The following LDB2 variants were observed in gnomAD, a reference collection of about 807,000 sequenced individuals.
LDB2 encodes LIM domain-binding protein 2.
A neutral mutation model predicts 44.3 loss-of-function variants in LDB2; 12 were observed. The ratio of observed to expected loss-of-function variants is 0.27; its 90% CI spans 0.17 to 0.44. The LOEUF (loss-of-function observed/expected upper bound fraction) is 0.44. LDB2 is among the 20% of genes least tolerant of loss of function. LDB2 has a pLI of 1.00. For missense variants in LDB2, 344 were observed against 473.5 expected, an observed-to-expected ratio of 0.73 and a Z score of 2.54; for synonymous variants, 164 against 174.8, an observed-to-expected ratio of 0.94 and a Z score of 0.49.
chr4:16,632,926 C>T (rs1280371936), intron 2 of LDB2, among the ~76,000 whole-genome samples: 3 of 152,192 alleles, frequency 2.0e-5, no homozygotes, highest in Admixed American at 1.3e-4. Flanking sequence ...ACCCAGCCAT[C>T]CCATTACTGG....
chr4:16,836,543 C>G (rs2110081156), intron 1 of LDB2, among the ~76,000 whole-genome samples: 1 of 152,340 alleles, frequency 6.6e-6, no homozygotes, highest in South Asian at 2.1e-4. Context: ...TTGATCTCTG[C>G]TGCAAACTGG....
intron 2 of LDB2, among the ~76,000 whole-genome samples, chr4:16,735,421 G>GA (rs1287145149): frequency 6.6e-6 from 1 of 151,962 alleles, no homozygotes; most frequent in Non-Finnish European, 1.5e-5. Context: ...CTTTCTTAAA[G>GA]AAAAAAATCC....
At position 16,502,825 on chromosome 4, in the gene LDB2, C is replaced by T; in HGVS notation, c.940G>A (p.Asp314Asn). ...CTAGTGATTAGCCTTTCGTCCTCGT[C>T]CCCAAACTCACCTCCCATCAGAGTT... is the stretch of plus-strand genomic sequence containing the variant. The part of the protein sequence containing the change: ...EPTLMGGEFG[D>N]EDERLITRLE... The change falls in exon 8 of 8, where the codon GAC becomes AAC. Residue 314 changes from aspartate (D) to asparagine (N), a missense_variant. Physicochemically the swap from Asp to Asn is conservative, Grantham distance 23. Transcript: ENST00000304523. 1 of 1,614,092 alleles carries T rather than the reference C, an allele frequency of 6.2e-7. No homozygotes were observed.
rs183639739 is a variant in LDB2, at chr4:16,870,080, C to T, written c.132+28274G>A. On this transcript the variant is annotated intron_variant, in intron 1 of 7. Coordinates refer to ENST00000304523, the MANE Select transcript of LDB2 (RefSeq NM_001290.5). ...CAAATGCTTTATTGGAAGAAGCAGC[C>T]ATTGTGTTTTGTACAAGGCAGCTGC... Among the ~76,000 whole-genome samples, 21 of 152,258 alleles carry T rather than the reference C, an allele frequency of 1.4e-4. 1 individual carries two copies. Among genetic ancestry groups the T allele is most frequent in the Admixed American group, 7.2e-4 (11 of 15,290 alleles).
At chr4:16,823,182 G>A (rs1782431762) in intron 1 of LDB2, among the ~76,000 whole-genome samples, 1 of 152,160 alleles carries the variant, frequency 6.6e-6, no homozygotes, top group African/African-American at 2.4e-5. Flanking sequence ...TTCACAACAG[G>A]CAGTCAATAC....
chr4:16,655,223 A>G (rs1279632039), intron 2 of LDB2, among the ~76,000 whole-genome samples: 1 of 152,170 alleles, frequency 6.6e-6, no homozygotes, highest in Non-Finnish European at 1.5e-5. Flanking sequence ...GGGGACAGAG[A>G]GGCCAAGAGG....
chr4:16,636,671 C>A (rs1733688109), intron 2 of LDB2, among the ~76,000 whole-genome samples: 1 of 151,920 alleles, frequency 6.6e-6, no homozygotes, highest in African/African-American at 2.4e-5. Context: ...TACATTTGGA[C>A]TAAGGGAATG....
chr4:16,766,468 ATGTGTGTGTGTGTGTG>A (rs1218763626), intron 1 of LDB2, among the ~76,000 whole-genome samples: 3 of 41,336 alleles, frequency 7.3e-5, no homozygotes, highest in African/African-American at 1.3e-4. Context: ...ACACACATAT[ATGTGTGTGTGTGTGTG>A]TGTGTGTGTG....
chr4:16,756,259 G>A (rs1387658703), intron 2 of LDB2, among the ~76,000 whole-genome samples: 1 of 152,124 alleles, frequency 6.6e-6, no homozygotes, highest in East Asian at 1.9e-4. Context: ...AGACCAGCCT[G>A]GCCAACATGG....
chr4:16,872,271 C>G (rs1055857051), intron 1 of LDB2, among the ~76,000 whole-genome samples: 1 of 151,852 alleles, frequency 6.6e-6, no homozygotes, highest in South Asian at 2.1e-4. Context: ...ATGTCTCTAT[C>G]CTGTGACTGT....
intron 2 of LDB2, among the ~76,000 whole-genome samples, chr4:16,681,618 C>CTTTTTTTTT (rs536589787): frequency 8.1e-5 from 5 of 61,700 alleles, no homozygotes; most frequent in South Asian, 7.5e-4. Context: ...GTATTCTATT[C>CTTTTTTTTT]TTTTTTTTTT....
At chr4:16,758,626 G>A (rs1309123356) in intron 2 of LDB2, among the ~76,000 whole-genome samples, 3 of 152,088 alleles carry the variant, frequency 2.0e-5, no homozygotes, top group Non-Finnish European at 4.4e-5. Flanking sequence ...GAAAGACAAG[G>A]AACTATAATT....
At chr4:16,699,915 T>C (rs1446038038) in intron 2 of LDB2, among the ~76,000 whole-genome samples, 1 of 152,084 alleles carries the variant, frequency 6.6e-6, no homozygotes, top group African/African-American at 2.4e-5. Context: ...ATTTAGCAAA[T>C]AAAAATCCAG....
At chr4:16,698,587 T>C (rs765950560) in intron 2 of LDB2, among the ~76,000 whole-genome samples, 1 of 152,184 alleles carries the variant, frequency 6.6e-6, no homozygotes, top group Non-Finnish European at 1.5e-5. Context: ...CCTTTGCCCT[T>C]TATTCTACTG....
At chr4:16,735,225 C>T (rs545452090) in intron 2 of LDB2, among the ~76,000 whole-genome samples, 1 of 152,160 alleles carries the variant, frequency 6.6e-6, no homozygotes, top group East Asian at 1.9e-4. Context: ...GCCCGCAGTC[C>T]CCTGATATGG....
At chr4:16,774,535 G>T (rs1258025416) in intron 1 of LDB2, among the ~76,000 whole-genome samples, 2 of 152,270 alleles carry the variant, frequency 1.3e-5, no homozygotes, top group African/African-American at 4.8e-5. Flanking sequence ...CTTACTGATT[G>T]TGTAATTATG....
rs189334543 is a variant in LDB2 at position 16,723,332 on chromosome 4, G to A, written c.235+35826C>T. 2.3e-3 allele frequency among the ~76,000 whole-genome samples: 345 copies of A among 152,268 alleles called. 1 individual carries two copies. Among genetic ancestry groups the A allele is most frequent in the Non-Finnish European group, 3.1e-3 (210 of 68,018 alleles). ...CACCTGGTGAGAGTCATCCCATGGC[G>A]GAAGATGGAAGGGCAAGAGGGACAG... On this transcript the variant is annotated intron_variant, in intron 2 of 7. Coordinates refer to ENST00000304523, the MANE Select transcript of LDB2 (RefSeq NM_001290.5).
intron 1 of LDB2, among the ~76,000 whole-genome samples, chr4:16,870,941 G>A (rs370083259): frequency 7.2e-5 from 11 of 152,146 alleles, no homozygotes; most frequent in South Asian, 6.2e-4. Flanking sequence ...GCCTCCTTGC[G>A]TTCTTTAAAC....
At chr4:16,636,703 G>T (rs562767501) in intron 2 of LDB2, among the ~76,000 whole-genome samples, 18 of 152,266 alleles carry the variant, frequency 1.2e-4, no homozygotes, top group Admixed American at 3.9e-4. Context: ...GACAAGAGGG[G>T]CAGTCTGAAT....
Sources: allele counts gnomAD v4.1 joint callset (sites outside exome capture counted in the v4.1 genomes callset), GRCh38; gene constraint gnomAD v4.1.1; transcripts MANE v1.5; gene names NCBI Gene and HGNC (gene_info 2026-07-23, HGNC 2026-07-21).